The following EMILIN1 variants were observed in gnomAD, a reference collection of about 807,000 sequenced individuals.
EMILIN1 encodes the protein elastin microfibril interfacer 1.
Under a neutral mutation model 82.4 loss-of-function variants are expected in EMILIN1, and 49 were observed. The observed-to-expected ratio is 0.59, with a 90% CI of 0.47 to 0.75. EMILIN1 has a LOEUF of 0.75. Ranked by LOEUF, EMILIN1 falls within the 30% of genes least tolerant of loss-of-function variation. The pLI, the probability that EMILIN1 is intolerant of heterozygous loss-of-function variation, is 0.00. For synonymous variants in EMILIN1, 604 were observed against 602.2 expected, an observed-to-expected ratio of 1.00 and a Z score of -0.04; for missense variants, 1,313 against 1,366.4, an observed-to-expected ratio of 0.96 and a Z score of 0.62.
At position 27,082,596 on chromosome 2, in the gene EMILIN1, G is replaced by T; in HGVS notation, c.1025G>T (p.Gly342Val). The change falls in exon 4 of 8, where the codon GGG becomes GTG. Residue 342 changes from glycine to valine, a missense_variant. By Grantham distance (109) the Gly-to-Val change is moderately radical. Coordinates refer to ENST00000380320, the MANE Select transcript of EMILIN1 (RefSeq NM_007046.4). ...GAGGAGCGGCAACGGCACCTCGCAGGGCTGGCGGTGGGCCGCAGGCCCCCT... is the reference window on the plus strand; with the variant it reads ...GAGGAGCGGCAACGGCACCTCGCAGTGCTGGCGGTGGGCCGCAGGCCCCCT... Reference protein sequence around the residue: ...SVEERQRHLAGLAVGRRPPQE... With the variant: ...SVEERQRHLAVLAVGRRPPQE... 1 of 1,543,158 alleles carries T rather than the reference G, an allele frequency of 6.5e-7. No individual in the cohort carries two copies. The highest frequency in any genetic ancestry group is 8.7e-7 in the Non-Finnish European group (1 of 1,145,992).
chr2:27,084,287 C>T (rs573066666), intron 4 of EMILIN1, 128 bp from the exon 5 acceptor site: 5 of 719,428 alleles, frequency 6.9e-6, no homozygotes, highest in African/African-American at 3.5e-5. Flanking sequence ...GACCCCATGG[C>T]CCCCTCAGCC....
Position 27,080,809 on chromosome 2 carries a change from G to A in EMILIN1, c.368G>A (p.Gly123Asp). 1 of 1,613,678 alleles carries A rather than the reference G, an allele frequency of 6.2e-7. No individual in the cohort carries two copies. The highest frequency in any genetic ancestry group is 8.5e-7 in the Non-Finnish European group (1 of 1,179,970). ...GACATGGAGTGGAGGTGCTGTCAGG[G>A]TTATGGGGGCGATGACTGTGCTGAG... is the stretch of plus-strand genomic sequence containing the variant. ...VTDMEWRCCQ[G>D]YGGDDCAESP... Residue 123 changes from glycine (G) to aspartate (D), a missense_variant, in exon 3 of 8, where the codon GGT (glycine) becomes GAT (aspartate). By Grantham distance (94) the Gly-to-Asp change is moderately conservative (BLOSUM62 -1). Transcript: ENST00000380320.
At position 27,085,660 on chromosome 2, in the gene EMILIN1, T is replaced by C. The variant is rs1669602636; in HGVS notation, c.2714-18T>C. The C allele has an allele frequency of 1.9e-6, 3 of 1,582,866 alleles. No individual in the cohort carries two copies. The African/African-American group carries it at 4.0e-5, about 21-fold the overall frequency. Reference sequence around the variant, plus strand: ...CCGGAGCTTCCCTGGCCCCCCTGACTGCTATCCTTGTCCCCAGGCGTGTTC... The same window carrying C: ...CCGGAGCTTCCCTGGCCCCCCTGACCGCTATCCTTGTCCCCAGGCGTGTTC... On this transcript the variant is annotated intron_variant, in intron 7 of 7. Transcript: ENST00000380320.
Position 27,080,841 on chromosome 2 carries a change from G to A in EMILIN1, c.400G>A (p.Ala134Thr), listed in dbSNP as rs760449908. 3.1e-6 allele frequency: 5 copies of A among 1,612,180 alleles called. No homozygotes were observed. Among genetic ancestry groups the A allele is most frequent in the African/African-American group, 2.7e-5 (2 of 74,906 alleles). ...YGGDDCAESP[A>T]PALGPASSTP... ...GGGCGATGACTGTGCTGAGAGTCCCGCTCCAGCGCTGGGGCCTGCGTCTTC... is the reference window on the plus strand; with the variant it reads ...GGGCGATGACTGTGCTGAGAGTCCCACTCCAGCGCTGGGGCCTGCGTCTTC... Residue 134 changes from alanine (A) to threonine (T), a missense_variant, in exon 3 of 8, where the codon GCT becomes ACT. By Grantham distance (58) the Ala-to-Thr change is moderately conservative. Transcript: ENST00000380320.
In EMILIN1 at chr2:27,083,007, G is replaced by T; in HGVS notation, c.1436G>T (p.Gly479Val). The T allele has an allele frequency of 2.6e-6, 4 of 1,563,666 alleles. No individual in the cohort carries two copies. The highest frequency in any genetic ancestry group is 3.5e-6 in the Non-Finnish European group (4 of 1,155,190). The change falls in exon 4 of 8, where the codon GGG becomes GTG. Residue 479 changes from glycine (G) to valine (V), a missense_variant. By Grantham distance (109) the Gly-to-Val change is moderately radical. Transcript: ENST00000380320. Reference protein sequence around the residue: ...EQVAGAMQACGQLCSGAPGEQ... With the variant: ...EQVAGAMQACVQLCSGAPGEQ... ...GTGGCAGGGGCCATGCAGGCATGCG[G>T]GCAGCTCTGCTCTGGGGCCCCTGGG...
At position 27,085,809 on chromosome 2, in the gene EMILIN1, G is replaced by C. The variant is rs1558436421; in HGVS notation, c.2845G>C (p.Glu949Gln). The change falls in exon 8 of 8, where the codon GAG (glutamate) becomes CAG (glutamine). Residue 949 changes from glutamate to glutamine, a missense_variant. Transcript: ENST00000380320. ...GVARVDSGGYEPEGLENKPVA... is the reference protein window; with the variant it reads ...GVARVDSGGYQPEGLENKPVA... ...GGCCCGCGTAGACTCCGGTGGCTAC[G>C]AGCCTGAGGGCCTGGAGAATAAGCC... The C allele has an allele frequency of 1.2e-6, 2 of 1,612,250 alleles. No individual in the cohort carries two copies. The highest frequency in any genetic ancestry group is 3.3e-5 in the Admixed American group (2 of 59,986).
rs1158670649 is a variant in EMILIN1 at position 27,082,862 on chromosome 2, G to A, written c.1291G>A (p.Ala431Thr). ...SEEQEESWPG[A>T]PGGLSHWLPA... is the part of the protein sequence containing the mutation. ...GGAGCAGGAGGAGAGCTGGCCTGGGGCTCCTGGGGGGCTGAGCCACTGGCT... is the reference window on the plus strand; with the variant it reads ...GGAGCAGGAGGAGAGCTGGCCTGGGACTCCTGGGGGGCTGAGCCACTGGCT... Residue 431 changes from alanine (A) to threonine (T), a missense_variant, in exon 4 of 8, where the codon GCT (alanine) becomes ACT (threonine). By Grantham distance (58) the Ala-to-Thr change is moderately conservative. Coordinates refer to ENST00000380320, the MANE Select transcript of EMILIN1 (RefSeq NM_007046.4). The A allele has an allele frequency of 6.3e-7, 1 of 1,587,464 alleles. No individual in the cohort carries two copies. Among genetic ancestry groups the A allele is most frequent in the Non-Finnish European group, 8.5e-7 (1 of 1,174,944 alleles).
chr2:27,083,487 C>A lies in EMILIN1; in HGVS notation c.1916C>A (p.Ala639Asp), dbSNP rs754465328. The change falls in exon 4 of 8, where the codon GCC (alanine) becomes GAC (aspartate). Residue 639 changes from alanine to aspartate, a missense_variant. Physicochemically the swap from Ala to Asp is moderately radical, Grantham distance 126. Coordinates refer to ENST00000380320, the MANE Select transcript of EMILIN1 (RefSeq NM_007046.4). ...FSVFGGSSGS[A>D]LQALQGELSE... ...GTGTTTGGGGGCAGCTCAGGCTCAG[C>A]CCTGCAGGCCCTGCAAGGAGAGCTC... 6.2e-7 allele frequency: 1 copy of A among 1,613,500 alleles called. No homozygotes were observed. Among genetic ancestry groups the A allele is most frequent in the South Asian group, 1.1e-5 (1 of 91,066 alleles).
Position 27,080,875 on chromosome 2 carries a change from G to T in EMILIN1, c.434G>T (p.Arg145Leu). ...CTGGGGCCTGCGTCTTCCACACCAC[G>T]GCCCCTGGCCCGGCCTGCCCGCCCC... Reference protein sequence around the residue: ...PALGPASSTPRPLARPARPNL... With the variant: ...PALGPASSTPLPLARPARPNL... Residue 145 changes from arginine to leucine, a missense_variant, in exon 3 of 8, where the codon CGG (arginine) becomes CTG (leucine). Transcript: ENST00000380320. The T allele has an allele frequency of 6.2e-7, 1 of 1,609,652 alleles. No individual in the cohort carries two copies. Among genetic ancestry groups the T allele is most frequent in the South Asian group, 1.1e-5 (1 of 90,492 alleles).
Position 27,079,213 on chromosome 2 carries a change from C to A in EMILIN1, c.148C>A (p.Pro50Thr). The change falls in exon 1 of 8, where the codon CCC (proline) becomes ACC (threonine). Residue 50 changes from proline to threonine, a missense_variant. By Grantham distance (38) the Pro-to-Thr change is conservative. Transcript: ENST00000380320. ...SPGGPQAQIA[P>T]RPASRHRNWC... ...CGGGGGGCCCCAGGCCCAGATTGCC[C>A]CCCGGCCAGCCAGCCGCCACAGGTA... The A allele has an allele frequency of 6.4e-7, 1 of 1,573,248 alleles. No homozygotes were observed. Among genetic ancestry groups the A allele is most frequent in the East Asian group, 2.4e-5 (1 of 41,608 alleles).
intron 5 of EMILIN1, 116 bp downstream of exon 5, chr2:27,084,647 G>A (rs1669559095): frequency 1.5e-6 from 1 of 685,558 alleles, no homozygotes; most frequent in Admixed American, 2.5e-5. Context: ...GGGGAATTGG[G>A]TACTACCTGA....
At chr2:27,082,045 G>T in intron 3 of EMILIN1, 38 bp from the exon 4 acceptor site, 1 of 1,541,218 alleles carries the variant, frequency 6.5e-7, no homozygotes, top group Non-Finnish European at 8.8e-7. Flanking sequence ...GAGCTCTGGG[G>T]TCCAGCCCCT....
Position 27,083,539 on chromosome 2 carries a change from C to T in EMILIN1, c.1968C>T (p.Ser656=). 6.2e-7 allele frequency: 1 copy of T among 1,614,118 alleles called. No individual in the cohort carries two copies. Among genetic ancestry groups the T allele is most frequent in the Non-Finnish European group, 8.5e-7 (1 of 1,179,994 alleles). ...CTGAGGTTATTCTCAGCTTCAGCTC[C>T]CTCAATGACTCACTGAATGAGCTCC... ...ELSEVILSFS[S]LNDSLNELQT... is the part of the protein sequence containing the mutation. The change falls in exon 4 of 8, where the codon TCC becomes TCT. Residue 656 remains serine (S), a synonymous_variant. Transcript: ENST00000380320.
At chr2:27,080,094 C>T in intron 1 of EMILIN1, 57 bp from the exon 2 acceptor site, 2 of 1,600,242 alleles carry the variant, frequency 1.2e-6, no homozygotes, top group East Asian at 2.2e-5. Flanking sequence ...AGCCCCTGGG[C>T]CCTCCTCCAG....
Position 27,083,170 on chromosome 2 carries a change from G to A in EMILIN1, c.1599G>A (p.Glu533=). 6 of 1,609,380 alleles carry A rather than the reference G, an allele frequency of 3.7e-6. No individual in the cohort carries two copies. Among genetic ancestry groups the A allele is most frequent in the Non-Finnish European group, 5.1e-6 (6 of 1,177,332 alleles). ...AAGEARQATL[E]GLQEVVGRLQ... ...GGGAGGCCCGGCAGGCCACGCTGGA[G>A]GGATTACAAGAGGTTGTGGGCCGGC... The change falls in exon 4 of 8, where the codon GAG becomes GAA. Residue 533 remains glutamate (E), a synonymous_variant. Coordinates refer to ENST00000380320, the MANE Select transcript of EMILIN1 (RefSeq NM_007046.4).
Position 27,084,972 on chromosome 2 carries a change from C to CA in EMILIN1, c.2558-19_2558-18insA, listed in dbSNP as rs755062898. On this transcript the variant is annotated intron_variant, in intron 5 of 7. Coordinates refer to ENST00000380320, the MANE Select transcript of EMILIN1 (RefSeq NM_007046.4). Reference sequence around the variant, plus strand: ...GAGAGCTGCTTTATTTCTCACTGCTCCCTTTCCTCTTCTCACAGGTCCTCA... The same window carrying CA: ...GAGAGCTGCTTTATTTCTCACTGCTCACCTTTCCTCTTCTCACAGGTCCTCA... The CA allele has an allele frequency of 6.2e-7, 1 of 1,612,922 alleles. No homozygotes were observed. Among genetic ancestry groups the CA allele is most frequent in the Non-Finnish European group, 8.5e-7 (1 of 1,178,920 alleles).
chr2:27,083,111 G>A lies in EMILIN1; in HGVS notation c.1540G>A (p.Val514Met). The change falls in exon 4 of 8, where the codon GTG becomes ATG. Residue 514 changes from valine (V) to methionine (M), a missense_variant. Physicochemically the swap from Val to Met is conservative, Grantham distance 21. Transcript: ENST00000380320. ...VLDSEGQLRL[V>M]GSGLHTVEAA... The stretch of plus-strand genomic sequence containing the variant: ...GGACAGTGAGGGGCAGCTGCGGCTG[G>A]TGGGCTCCGGCCTGCACACGGTGGA... The A allele has an allele frequency of 1.9e-6, 3 of 1,565,292 alleles. No homozygotes were observed. The highest frequency in any genetic ancestry group is 2.6e-6 in the Non-Finnish European group (3 of 1,154,544).
chr2:27,083,682 A>C lies in EMILIN1; in HGVS notation c.2111A>C (p.Glu704Ala). The C allele has an allele frequency of 6.2e-7, 1 of 1,613,916 alleles. No individual in the cohort carries two copies. Among genetic ancestry groups the C allele is most frequent in the Non-Finnish European group, 8.5e-7 (1 of 1,179,806 alleles). ...QEATEHATES[E>A]ERFRGLEEGQ... Reference sequence around the variant, plus strand: ...GCCACAGAGCATGCTACAGAGAGTGAAGAGCGCTTCCGAGGCCTAGAGGAG... The same window carrying C: ...GCCACAGAGCATGCTACAGAGAGTGCAGAGCGCTTCCGAGGCCTAGAGGAG... The change falls in exon 4 of 8, where the codon GAA becomes GCA. Residue 704 changes from glutamate (E) to alanine (A), a missense_variant. Physicochemically the swap from Glu to Ala is moderately radical, Grantham distance 107. Transcript: ENST00000380320.
Position 27,085,746 on chromosome 2 carries a change from A to C in EMILIN1, c.2782A>C (p.Lys928Gln). 1.9e-6 allele frequency: 3 copies of C among 1,611,036 alleles called. No individual in the cohort carries two copies. The South Asian group carries it at 3.3e-5, about 18-fold the overall frequency. The change falls in exon 8 of 8, where the codon AAA (lysine) becomes CAA (glutamine). Residue 928 changes from lysine (K) to glutamine (Q), a missense_variant. Physicochemically the swap from Lys to Gln is moderately conservative, Grantham distance 53 (BLOSUM62 1). Transcript: ENST00000380320. ...GGTGCTGACTGGGCACCGGCACGAGAAAGTGGAGGCCGTGCTGTCCCGCTC... is the reference window on the plus strand; with the variant it reads ...GGTGCTGACTGGGCACCGGCACGAGCAAGTGGAGGCCGTGCTGTCCCGCTC... ...SAVLTGHRHE[K>Q]VEAVLSRSNQ...
Sources: allele counts gnomAD v4.1 joint callset, GRCh38; gene constraint gnomAD v4.1.1; transcripts MANE v1.5; gene names NCBI Gene and HGNC (gene_info 2026-07-23, HGNC 2026-07-21).